CDC42BPB: variants seen among roughly 807,000 people sequenced by gnomAD.
CDC42BPB encodes serine/threonine-protein kinase MRCK beta.
Under a neutral mutation model 214.9 loss-of-function variants are expected in CDC42BPB, and 37 were observed. That is an observed-to-expected ratio of 0.17 (90% CI 0.13 to 0.23). The LOEUF (loss-of-function observed/expected upper bound fraction) is 0.23, where lower values mean the gene tolerates loss of function less well. CDC42BPB is among the 10% of genes least tolerant of loss of function. CDC42BPB has a pLI of 1.00. For synonymous variants in CDC42BPB, 931 were observed against 884.0 expected (o/e 1.05, Z -0.94); for missense variants, 1,694 against 2,227.0 (o/e 0.76, Z 4.82).
At chr14:102,964,809 T>A in intron 18 of CDC42BPB, 159 bp from the exon 19 acceptor site, 2 of 977,444 alleles carry the variant, frequency 2.0e-6, no homozygotes, top group African/African-American at 3.5e-5. Flanking sequence ...TTAGTTTTGA[T>A]ATTTTATGAC....
chr14:102,941,563 C>T (rs1182834481), intron 30 of CDC42BPB: 11 of 985,336 alleles, frequency 1.1e-5, no homozygotes, highest in Non-Finnish European at 1.1e-5. Flanking sequence ...CCACTCTCCA[C>T]ACGGGCTTCT....
At chr14:102,962,348 C>G (rs1160114738) in intron 20 of CDC42BPB, among the ~76,000 whole-genome samples, 1 of 152,236 alleles carries the variant, frequency 6.6e-6, no homozygotes, top group East Asian at 1.9e-4. Flanking sequence ...AATGTTCTAT[C>G]CATACAGCCA....
At chr14:103,025,074 T>C (rs1345277272) in intron 1 of CDC42BPB, among the ~76,000 whole-genome samples, 1 of 152,232 alleles carries the variant, frequency 6.6e-6, no homozygotes, top group African/African-American at 2.4e-5. Flanking sequence ...TCTGGTTTTC[T>C]TTCTGCACAG....
At chr14:102,976,194 A>G (rs1261230263) in intron 9 of CDC42BPB, 145 bp from the exon 10 acceptor site, 22 of 1,445,628 alleles carry the variant, frequency 1.5e-5, no homozygotes, top group Non-Finnish European at 1.9e-5. Context: ...TTATGGAACC[A>G]AAGTTAGACA....
At chr14:103,056,961 G>T in intron 1 of CDC42BPB, 38 bp downstream of exon 1, 1 of 1,309,652 alleles carries the variant, frequency 7.6e-7, no homozygotes, top group Non-Finnish European at 9.9e-7. Context: ...CGCGGGGGTC[G>T]CAGAGCCGCA....
intron 27 of CDC42BPB, chr14:102,946,939 A>G: frequency 5.3e-6 from 4 of 754,502 alleles, no homozygotes; most frequent in Non-Finnish European, 6.5e-6. Flanking sequence ...TTTTGTCAAA[A>G]CTACGAGTAG....
chr14:103,013,400 T>C (rs1443160843), intron 1 of CDC42BPB, among the ~76,000 whole-genome samples: 1 of 152,238 alleles, frequency 6.6e-6, no homozygotes, highest in East Asian at 1.9e-4. Flanking sequence ...CTGAGACTAA[T>C]TCTGTTATTA....
rs1487900395 is a variant in CDC42BPB at position 102,940,264 on chromosome 14, C to T, written c.4469G>A (p.Arg1490His). 1.4e-5 allele frequency: 22 copies of T among 1,597,616 alleles called. No individual in the cohort carries two copies. The highest frequency in any genetic ancestry group is 3.4e-5 in the South Asian group (3 of 89,020). ...SEYGVDVFDV[R>H]TMEWVQTIGL... is the part of the protein sequence containing the mutation. ...GATGGTCTGCACCCACTCCATGGTG[C>T]GCACATCAAAGACGTCCACGCCATA... The change falls in exon 31 of 37, where the codon CGC becomes CAC. Residue 1490 changes from arginine (R) to histidine (H), a missense_variant. By Grantham distance (29) the Arg-to-His change is conservative. Around this residue, in one of 7 missense-constraint regions of CDC42BPB, gnomAD observed 567 missense variants for 790.3 expected, o/e 0.72. Transcript: ENST00000361246.
In CDC42BPB at chr14:102,959,657, G is replaced by C. The variant is rs764862437; in HGVS notation, c.2875C>G (p.Pro959Ala). Residue 959 changes from proline (P) to alanine (A), a missense_variant, in exon 21 of 37, where the codon CCT (proline) becomes GCT (alanine). Around this residue, in one of 7 missense-constraint regions of CDC42BPB, gnomAD observed 156 missense variants for 154.5 expected, o/e 1.01. Transcript: ENST00000361246. ...DSIFEYFNTA[P>A]LAHDLTFRTS... is the part of the protein sequence containing the mutation. ...CTAAATGTCAGGTCATGTGCAAGAG[G>C]AGCAGTGTTGAAATACTCAAAAATG... 2 of 1,609,730 alleles carry C rather than the reference G, an allele frequency of 1.2e-6. No homozygotes were observed. The highest frequency in any genetic ancestry group is 1.7e-6 in the Non-Finnish European group (2 of 1,177,988).
rs375007837 is a variant in CDC42BPB, at chr14:102,980,724, A to G, written c.1140+49T>C. ...AGCAACGCCCTCAACACAGCACTGCATGTCAGACCCACAGCCAGCAACCCT... is the reference window on the plus strand; with the variant it reads ...AGCAACGCCCTCAACACAGCACTGCGTGTCAGACCCACAGCCAGCAACCCT... On this transcript the variant is annotated intron_variant, in intron 8 of 36. Transcript: ENST00000361246. The G allele has an allele frequency of 3.2e-6, 5 of 1,584,388 alleles. No individual in the cohort carries two copies. In the African/African-American group the frequency reaches 5.4e-5, roughly 17 times the overall value.
In CDC42BPB at chr14:103,001,567, CCA is replaced by C. The variant is rs1277298777; in HGVS notation, c.448-1856_448-1855del. Among the ~76,000 whole-genome samples the C allele has an allele frequency of 6.6e-6, 1 of 152,188 alleles. No homozygotes were observed. Among genetic ancestry groups the C allele is most frequent in the African/African-American group, 2.4e-5 (1 of 41,444 alleles). On this transcript the variant is annotated intron_variant, in intron 4 of 36. Transcript: ENST00000361246. This position sits in a 1 kb window ranked among gnomAD's most constrained non-coding sequence, Gnocchi z 5.8. Reference sequence around the variant, plus strand: ...GCCGGCCACAGTGGGGGCTGCAGCCCCACACTCAGAGCAGTGAGTGGGTGATG... The same window carrying C: ...GCCGGCCACAGTGGGGGCTGCAGCCCCACTCAGAGCAGTGAGTGGGTGATG...
At chr14:102,954,558 G>T in intron 22 of CDC42BPB, 44 bp downstream of exon 22, 1 of 1,553,134 alleles carries the variant, frequency 6.4e-7, no homozygotes, top group Non-Finnish European at 8.9e-7. Flanking sequence ...TGGACACGAG[G>T]GCAGACCCCA....
At chr14:103,046,898 G>A (rs1038278482) in intron 1 of CDC42BPB, among the ~76,000 whole-genome samples, 65 of 151,840 alleles carry the variant, frequency 4.3e-4, no homozygotes, top group Non-Finnish European at 9.0e-4. Context: ...TGATCCACCT[G>A]CCTCGGCCTC....
At chr14:103,008,682 G>A in intron 2 of CDC42BPB, 127 bp from the exon 3 acceptor site, 1 of 1,468,020 alleles carries the variant, frequency 6.8e-7, no homozygotes, top group African/African-American at 1.4e-5. Flanking sequence ...CGAAAGCCAA[G>A]TTTCCCACCT....
chr14:102,958,323 G>C (rs554022487), intron 21 of CDC42BPB, among the ~76,000 whole-genome samples: 1 of 152,214 alleles, frequency 6.6e-6, no homozygotes, highest in Non-Finnish European at 1.5e-5. Context: ...TACTTCAGAG[G>C]AAGAAAGTCT....
chr14:103,002,816 G>A (rs7150288), intron 4 of CDC42BPB, among the ~76,000 whole-genome samples: 1,774 of 152,280 alleles, frequency 0.012, 42 homozygotes, highest in African/African-American at 0.041. Context: ...CTGTGGGCCT[G>A]AAACATCCTA....
intron 5 of CDC42BPB, among the ~76,000 whole-genome samples, chr14:102,990,714 A>G (rs911822169): frequency 2.6e-5 from 4 of 152,192 alleles, no homozygotes; most frequent in African/African-American, 9.7e-5. Flanking sequence ...CTGAGAAACA[A>G]CGGAGTGGGG....
At chr14:102,954,142 A>T in intron 23 of CDC42BPB, 56 bp downstream of exon 23, 1 of 1,137,892 alleles carries the variant, frequency 8.8e-7, no homozygotes, top group Non-Finnish European at 1.3e-6. Flanking sequence ...ATAACTGAGA[A>T]TAAATAAACA....
intron 30 of CDC42BPB, chr14:102,941,048 G>A (rs1221220188): frequency 1.1e-6 from 1 of 910,552 alleles, no homozygotes; most frequent in Non-Finnish European, 1.3e-6. Context: ...GGAGTTTAAG[G>A]GGCTTTCTCC....
Sources: allele counts gnomAD v4.1 joint callset (sites outside exome capture counted in the v4.1 genomes callset), GRCh38; gene constraint gnomAD v4.1.1; regional missense constraint gnomAD v4.1.1; non-coding constraint Gnocchi (gnomAD v3.1); transcripts MANE v1.5; gene names NCBI Gene and HGNC (gene_info 2026-07-23, HGNC 2026-07-21).